The following MSMO1 variants were observed in gnomAD, a reference collection of about 807,000 sequenced individuals.
MSMO1 encodes the protein C-4 methylsterol oxidase.
A neutral mutation model predicts 30.4 loss-of-function variants in MSMO1; 18 were observed. That is an observed-to-expected ratio of 0.59 (90% CI 0.41 to 0.88). MSMO1 has a LOEUF of 0.88. Among genes scored for constraint, MSMO1 ranks in the 40% least tolerant of loss-of-function variants. The pLI is 0.00. For synonymous variants in MSMO1, 84 were observed against 107.9 expected (o/e 0.78, Z 1.37); for missense variants, 284 against 340.5 (o/e 0.83, Z 1.31).
At chr4:165,338,849 C>T in intron 4 of MSMO1, 71 bp downstream of exon 4, 1 of 1,325,090 alleles carries the variant, frequency 7.5e-7, no homozygotes. Context: ...GAGCATTTTT[C>T]TAAAATTGTT....
intron 3 of MSMO1, 125 bp from the exon 4 acceptor site, chr4:165,338,527 A>G (rs1747624508): frequency 1.3e-6 from 1 of 774,902 alleles, no homozygotes; most frequent in Admixed American, 2.3e-5. Context: ...AATATATCCA[A>G]TTAGGTCAAC....
intron 1 of MSMO1, among the ~76,000 whole-genome samples, chr4:165,328,638 C>CCAA (rs200925775): frequency 0.012 from 1,760 of 152,272 alleles, 31 homozygotes; most frequent in East Asian, 0.094. Flanking sequence ...ATCTAGTCAA[C>CCAA]CTGTTCCAGA....
At chr4:165,339,681 A>G (rs1215233018) in intron 4 of MSMO1, among the ~76,000 whole-genome samples, 6 of 152,206 alleles carry the variant, frequency 3.9e-5, no homozygotes, top group African/African-American at 1.4e-4. Flanking sequence ...ATAAATCATC[A>G]CTACATATAG....
At chr4:165,340,710 T>C (rs1747692083) in intron 5 of MSMO1, 2 of 305,094 alleles carry the variant, frequency 6.6e-6, no homozygotes, top group South Asian at 7.3e-5. Flanking sequence ...CTTTCTAATC[T>C]CTACTGTTCA....
chr4:165,331,562 G>C (rs1747390552), intron 1 of MSMO1, among the ~76,000 whole-genome samples: 1 of 152,164 alleles, frequency 6.6e-6, no homozygotes, highest in African/African-American at 2.4e-5. Context: ...AGGACAGAAG[G>C]AGGACGGCCT....
In MSMO1 at chr4:165,333,593, A is replaced by G. The variant is rs139255794; in HGVS notation, c.223A>G (p.Ile75Val). 131 of 1,600,274 alleles carry G rather than the reference A, an allele frequency of 8.2e-5. No individual in the cohort carries two copies. The highest frequency in any genetic ancestry group is 1.1e-4 in the Non-Finnish European group (126 of 1,173,714). The change falls in exon 2 of 6, where the codon ATA (isoleucine) becomes GTA (valine). Residue 75 changes from isoleucine to valine, a missense_variant. Coordinates refer to ENST00000261507, the MANE Select transcript of MSMO1 (RefSeq NM_006745.5). ...FCLPGFLFQF[I>V]PYMKKYKIQK... ...TTTACCTGGATTTTTATTTCAATTT[A>G]TACCTTATATGAAAAAATACAAAAT... is the stretch of plus-strand genomic sequence containing the variant.
intron 1 of MSMO1, among the ~76,000 whole-genome samples, chr4:165,332,450 C>A (rs1214815951): frequency 6.6e-6 from 1 of 152,180 alleles, no homozygotes; most frequent in Non-Finnish European, 1.5e-5. Context: ...TTTGCTGCTA[C>A]AAGCAATGCT....
In MSMO1 at chr4:165,342,814, A is replaced by C. The variant is rs1401161853; in HGVS notation, c.*868A>C. ...ATCTAGAGCTGACCAGTTTGAGCTG[A>C]TTCTCTCTTTGAAGAGTCCTTCTTG... On this transcript the variant is annotated 3_prime_UTR_variant, in exon 6 of 6. Transcript: ENST00000261507. 6.8e-6 allele frequency: 1 copy of C among 146,574 alleles called. No individual in the cohort carries two copies. The highest frequency in any genetic ancestry group is 2.8e-5 in the African/African-American group (1 of 36,190). 9.1% of individuals were successfully genotyped at this position (146,574 alleles called of 1,614,324 possible). A position where few individuals can be genotyped will look rare whatever the true frequency, so the allele number is the denominator to read the frequency against.
At chr4:165,330,769 C>G (rs1342273020) in intron 1 of MSMO1, among the ~76,000 whole-genome samples, 1 of 152,004 alleles carries the variant, frequency 6.6e-6, no homozygotes, top group Non-Finnish European at 1.5e-5. Flanking sequence ...GCAGTCACAG[C>G]TTACTGAAAC....
At chr4:165,332,149 A>G (rs1415446153) in intron 1 of MSMO1, among the ~76,000 whole-genome samples, 1 of 152,144 alleles carries the variant, frequency 6.6e-6, no homozygotes, top group African/African-American at 2.4e-5. Context: ...CTTTATCCAT[A>G]TGTACATTTT....
At chr4:165,328,709 C>T (rs1191614138) in intron 1 of MSMO1, among the ~76,000 whole-genome samples, 1 of 152,214 alleles carries the variant, frequency 6.6e-6, no homozygotes, top group Non-Finnish European at 1.5e-5. Context: ...ATTCAATTTT[C>T]CAAGACCTTG....
chr4:165,330,776 A>T (rs1429486821), intron 1 of MSMO1, among the ~76,000 whole-genome samples: 2 of 149,256 alleles, frequency 1.3e-5, no homozygotes, highest in African/African-American at 4.9e-5. Flanking sequence ...CAGCTTACTG[A>T]AACCTCCACC....
In MSMO1 at chr4:165,342,831, T is replaced by A. The variant is rs1370848227; in HGVS notation, c.*885T>A. On this transcript the variant is annotated 3_prime_UTR_variant, in exon 6 of 6. Transcript: ENST00000261507. ...TTGAGCTGATTCTCTCTTTGAAGAG[T>A]CCTTCTTGATTGCAGTGCAGTACTG... The A allele has an allele frequency of 6.6e-6, 1 of 152,134 alleles. No individual in the cohort carries two copies. The highest frequency in any genetic ancestry group is 1.5e-5 in the Non-Finnish European group (1 of 68,034). 9.4% of individuals were successfully genotyped at this position (152,134 alleles called of 1,614,324 possible).
At chr4:165,335,528 C>T (rs6839161) in intron 2 of MSMO1, among the ~76,000 whole-genome samples, 15,005 of 152,130 alleles carry the variant, frequency 0.099, 2,387 homozygotes, top group African/African-American at 0.33. Context: ...TTGTGGCTGC[C>T]GTGTTTCACC....
At chr4:165,341,238 A>G (rs1192851807) in intron 5 of MSMO1, among the ~76,000 whole-genome samples, 1 of 152,184 alleles carries the variant, frequency 6.6e-6, no homozygotes, top group Non-Finnish European at 1.5e-5. Context: ...GTACACTGGT[A>G]TTTTGATTAA....
intron 1 of MSMO1, among the ~76,000 whole-genome samples, chr4:165,330,094 C>G (rs192451355): frequency 6.6e-6 from 1 of 152,306 alleles, no homozygotes; most frequent in Non-Finnish European, 1.5e-5. Context: ...TCCTTGTACT[C>G]TAATACTTAT....
At position 165,338,491 on chromosome 4, in the gene MSMO1, C is replaced by T. The variant is rs17046253; in HGVS notation, c.405-161C>T. Among the ~76,000 whole-genome samples the T allele has an allele frequency of 0.096, 14,660 of 152,006 alleles. 2,265 individuals are homozygous for T. The highest frequency in any genetic ancestry group is 0.32 in the African/African-American group (13,394 of 41,404). The stretch of plus-strand genomic sequence containing the variant: ...CTTATATCAAGTTATGTAGCTGTAT[C>T]TGGTGGTTTTGAGAATTTATTTATG... On this transcript the variant is annotated intron_variant, in intron 3 of 5. Transcript: ENST00000261507.
At chr4:165,334,976 T>C (rs1399187626) in intron 2 of MSMO1, among the ~76,000 whole-genome samples, 1 of 152,228 alleles carries the variant, frequency 6.6e-6, no homozygotes, top group African/African-American at 2.4e-5. Flanking sequence ...AGTCTTTTTT[T>C]TCCTTGTCAT....
Position 165,328,969 on chromosome 4 carries a change from T to G in MSMO1, c.-32+1205T>G, listed in dbSNP as rs555027035. ...ATACTGAACCTTTGGACCTGTTGAG[T>G]GAGTTCATGTGCCTCTGAACTCTCT... On this transcript the variant is annotated intron_variant, in intron 1 of 5. Coordinates refer to ENST00000261507, the MANE Select transcript of MSMO1 (RefSeq NM_006745.5). 2.0e-5 allele frequency among the ~76,000 whole-genome samples: 3 copies of G among 152,282 alleles called. No homozygotes were observed. The East Asian group carries it at 5.8e-4, about 29-fold the overall frequency.
Sources: allele counts gnomAD v4.1 joint callset (sites outside exome capture counted in the v4.1 genomes callset), GRCh38; gene constraint gnomAD v4.1.1; transcripts MANE v1.5; gene names NCBI Gene and HGNC (gene_info 2026-07-23, HGNC 2026-07-21).